Variants in EPB41L1 observed in about 807,000 individuals in gnomAD.
EPB41L1 encodes the protein band 4.1-like protein 1.
A neutral mutation model predicts 97.8 loss-of-function variants in EPB41L1; 29 were observed. The observed-to-expected ratio is 0.30, with a 90% CI of 0.22 to 0.40. The LOEUF is 0.40. Ranked by LOEUF, EPB41L1 falls within the 10% of genes least tolerant of loss-of-function variation. The pLI is 1.00. For synonymous variants in EPB41L1, 383 were observed against 459.2 expected (o/e 0.83, Z 2.12); for missense variants, 812 against 1,162.3 (o/e 0.70, Z 4.38).
Position 36,209,877 on chromosome 20 carries a change from C to T in EPB41L1, c.2058C>T (p.Thr686=), listed in dbSNP as rs1440550914. Residue 686 remains threonine (T), a synonymous_variant, in exon 15 of 22, where the codon ACC becomes ACT. Transcript: ENST00000338074. The surrounding 1 kb of genome is among the most constrained non-coding windows in gnomAD (Gnocchi z 4.2). ...EDSPDRGACS[T]PDMPQFEPVK... is the part of the protein sequence containing the mutation. ...GCCCGGATCGAGGGGCCTGCTCCAC[C>T]CCGGATATGCCCCAGTTTGAGGTAC... 1 of 1,613,384 alleles carries T rather than the reference C, an allele frequency of 6.2e-7. No individual in the cohort carries two copies. The highest frequency in any genetic ancestry group is 2.2e-5 in the East Asian group (1 of 44,868).
At chr20:36,155,421 C>T (rs956888492) in intron 1 of EPB41L1, among the ~76,000 whole-genome samples, 1 of 152,110 alleles carries the variant, frequency 6.6e-6, no homozygotes, top group Non-Finnish European at 1.5e-5. Context: ...AGGACTTCTG[C>T]AGTTCTGGCC....
Position 36,222,266 on chromosome 20 carries a change from C to T in EPB41L1, c.2521-12C>T, listed in dbSNP as rs922212613. 3.7e-6 allele frequency: 6 copies of T among 1,607,710 alleles called. No individual in the cohort carries two copies. The highest frequency in any genetic ancestry group is 5.1e-6 in the Non-Finnish European group (6 of 1,174,314). Reference sequence around the variant, plus strand: ...GTTCATGGTTCCTTCCTTTGCTGTTCTTTACCACCAGGCCCTGGCTTTGGC... The same window carrying T: ...GTTCATGGTTCCTTCCTTTGCTGTTTTTTACCACCAGGCCCTGGCTTTGGC... On this transcript the variant is annotated splice_polypyrimidine_tract_variant and intron_variant, in intron 20 of 21. Coordinates refer to ENST00000338074, the MANE Select transcript of EPB41L1 (RefSeq NM_012156.2).
Position 36,209,337 on chromosome 20 carries a change from T to C in EPB41L1, c.1669-151T>C. The C allele has an allele frequency of 1.4e-6, 1 of 708,724 alleles. No individual in the cohort carries two copies. Among genetic ancestry groups the C allele is most frequent in the Non-Finnish European group, 2.2e-6 (1 of 454,678 alleles). 43.9% of individuals were successfully genotyped at this position (708,724 alleles called of 1,614,324 possible). On this transcript the variant is annotated intron_variant, in intron 14 of 21. Transcript: ENST00000338074. This position sits in a 1 kb window ranked among gnomAD's most constrained non-coding sequence, Gnocchi z 4.2. ...TGCTTGTTATGATTTCAAGGAACCT[T>C]TCCTGGGGTGTTTTTCATTTCCTGG...
At chr20:36,162,340 A>G (rs918407930) in intron 1 of EPB41L1, among the ~76,000 whole-genome samples, 1 of 152,262 alleles carries the variant, frequency 6.6e-6, no homozygotes, top group African/African-American at 2.4e-5. Flanking sequence ...ATCCAGAGCA[A>G]CAGTAGCTTT....
At chr20:36,100,203 G>T (rs1807235705) in intron 1 of EPB41L1, among the ~76,000 whole-genome samples, 2 of 152,174 alleles carry the variant, frequency 1.3e-5, no homozygotes, top group Non-Finnish European at 2.9e-5. Flanking sequence ...GTAGTTTCTG[G>T]CAAGTCATCT....
intron 1 of EPB41L1, among the ~76,000 whole-genome samples, chr20:36,111,879 A>G (rs2058416727): frequency 6.6e-6 from 1 of 152,030 alleles, no homozygotes; most frequent in South Asian, 2.1e-4. Context: ...TGAAGCAAGG[A>G]AAGGCCAAGT....
chr20:36,177,958 GGCC>G lies in EPB41L1; in HGVS notation c.351_353del (p.Arg118del). ...GCTCTGCTTCCCTCCTTAGAAACAT[GGCC>G]GGGGCCAGGTGCTGTTTGACCTGGT... On this transcript the variant is annotated inframe_deletion, in exon 4 of 22. Coordinates refer to ENST00000338074, the MANE Select transcript of EPB41L1 (RefSeq NM_012156.2). 4 of 1,614,070 alleles carry G rather than the reference GGCC, an allele frequency of 2.5e-6. No homozygotes were observed. Among genetic ancestry groups the G allele is most frequent in the Non-Finnish European group, 3.4e-6 (4 of 1,179,934 alleles).
intron 2 of EPB41L1, among the ~76,000 whole-genome samples, chr20:36,129,925 G>A (rs7266732): frequency 0.015 from 2,310 of 150,146 alleles, 23 homozygotes; most frequent in Non-Finnish European, 0.024. Context: ...CACTGCACCC[G>A]GCAGGTTTGT....
chr20:36,158,448 T>A (rs533649518), intron 1 of EPB41L1, among the ~76,000 whole-genome samples: 7 of 152,196 alleles, frequency 4.6e-5, no homozygotes, highest in South Asian at 2.1e-4. Context: ...CGGATTTCGA[T>A]GGTTGAAGGG....
intron 21 of EPB41L1, among the ~76,000 whole-genome samples, chr20:36,223,074 T>C (rs1471178544): frequency 1.3e-5 from 2 of 152,216 alleles, no homozygotes; most frequent in Non-Finnish European, 2.9e-5. Flanking sequence ...TATTTTGTAT[T>C]TTTAGTAAAG....
chr20:36,123,391 C>G (rs2058830373), intron 2 of EPB41L1, among the ~76,000 whole-genome samples: 1 of 152,174 alleles, frequency 6.6e-6, no homozygotes. Context: ...GAGGAAGACA[C>G]ATGTCTTCCA....
At chr20:36,184,384 C>G (rs951262985) in intron 6 of EPB41L1, among the ~76,000 whole-genome samples, 2 of 151,918 alleles carry the variant, frequency 1.3e-5, no homozygotes. Context: ...TTAAATGGTT[C>G]TAAAATTGTA....
chr20:36,222,444 C>G, intron 21 of EPB41L1, 50 bp downstream of exon 21: 1 of 1,456,916 alleles, frequency 6.9e-7, no homozygotes, highest in African/African-American at 1.4e-5. Context: ...GGAGCAGTAG[C>G]AAGATCCTCT....
At position 36,177,722 on chromosome 20, in the gene EPB41L1, C is replaced by T. The variant is rs1424659620; in HGVS notation, c.343-230C>T. ...CCAAGCAAGCTCAAAGTCCAGAAAC[C>T]ACCACCAGAACTTGGAAGAAGGCCA... On this transcript the variant is annotated intron_variant, in intron 3 of 21. Transcript: ENST00000338074. 3.9e-5 allele frequency among the ~76,000 whole-genome samples: 6 copies of T among 152,330 alleles called. No individual in the cohort carries two copies. The East Asian group carries it at 9.6e-4, about 24-fold the overall frequency.
intron 20 of EPB41L1, 27 bp from the exon 21 acceptor site, chr20:36,222,251 C>G (rs1243205295): frequency 1.3e-6 from 2 of 1,573,446 alleles, no homozygotes; most frequent in Admixed American, 3.3e-5. Flanking sequence ...GTTCATGGTT[C>G]CTTCCTTTGC....
intron 21 of EPB41L1, among the ~76,000 whole-genome samples, chr20:36,228,903 G>A (rs2064344526): frequency 6.6e-6 from 1 of 152,124 alleles, no homozygotes; most frequent in Non-Finnish European, 1.5e-5. Context: ...TAGCTTCTCG[G>A]TGTTAAAGGA....
chr20:36,096,979 C>A (rs2057851279), intron 1 of EPB41L1, among the ~76,000 whole-genome samples: 2 of 152,260 alleles, frequency 1.3e-5, no homozygotes, highest in Non-Finnish European at 2.9e-5. Flanking sequence ...TCTCCCATCT[C>A]CTGGCTGTAG....
At chr20:36,099,733 G>T (rs563277497) in intron 1 of EPB41L1, among the ~76,000 whole-genome samples, 6 of 152,072 alleles carry the variant, frequency 3.9e-5, no homozygotes, top group Non-Finnish European at 8.8e-5. Flanking sequence ...AGTGACACCC[G>T]CAAAGTCACA....
At chr20:36,201,423 A>G (rs558557307) in intron 14 of EPB41L1, among the ~76,000 whole-genome samples, 3 of 152,158 alleles carry the variant, frequency 2.0e-5, no homozygotes, top group African/African-American at 4.8e-5. Flanking sequence ...TCTGACTTCT[A>G]TGCTTAGGGT....
Sources: allele counts gnomAD v4.1 joint callset (sites outside exome capture counted in the v4.1 genomes callset), GRCh38; gene constraint gnomAD v4.1.1; non-coding constraint Gnocchi (gnomAD v3.1); transcripts MANE v1.5; gene names NCBI Gene and HGNC (gene_info 2026-07-23, HGNC 2026-07-21).